KCNMA1: variants seen among roughly 807,000 people sequenced by gnomAD.
The protein encoded by KCNMA1 is potassium calcium-activated channel subfamily M alpha 1.
KCNMA1 carries 29 observed loss-of-function variants against 140.0 expected under a neutral mutation model. The observed-to-expected ratio is 0.21, with a 90% CI of 0.15 to 0.28. The LOEUF (loss-of-function observed/expected upper bound fraction) is 0.28. Ranked by LOEUF, KCNMA1 falls within the 10% of genes least tolerant of loss-of-function variation. The pLI is 1.00. For synonymous variants in KCNMA1, 612 were observed against 611.9 expected, an observed-to-expected ratio of 1.00 and a Z score of 0.00; for missense variants, 880 against 1,602.2, an observed-to-expected ratio of 0.55 and a Z score of 7.70.
chr10:77,175,674 C>A (rs756734056), intron 5 of KCNMA1, among the ~76,000 whole-genome samples: 1 of 152,178 alleles, frequency 6.6e-6, no homozygotes, highest in Non-Finnish European at 1.5e-5. Context: ...GGGAAAGCTG[C>A]ACACAGGAGC....
At chr10:77,154,248 C>T (rs1332833874) in intron 5 of KCNMA1, among the ~76,000 whole-genome samples, 2 of 152,046 alleles carry the variant, frequency 1.3e-5, no homozygotes, top group Admixed American at 6.6e-5. Context: ...CCCAGGCATG[C>T]GGAACTGTGA....
At chr10:77,142,798 T>A (rs2098209265) in intron 5 of KCNMA1, among the ~76,000 whole-genome samples, 1 of 152,218 alleles carries the variant, frequency 6.6e-6, no homozygotes, top group South Asian at 2.1e-4. Context: ...GGAATAATAT[T>A]ATGTCTCCAA....
At chr10:77,184,675 G>A in intron 4 of KCNMA1, 148 bp downstream of exon 4, 1 of 697,772 alleles carries the variant, frequency 1.4e-6, no homozygotes. Flanking sequence ...TAAGGAGAGG[G>A]CTCTCTCTCA....
intron 1 of KCNMA1, among the ~76,000 whole-genome samples, chr10:77,520,630 C>G (rs1471268273): frequency 1.3e-5 from 2 of 152,034 alleles, no homozygotes; most frequent in Admixed American, 6.5e-5. Flanking sequence ...ATAGTGTTTC[C>G]TCTACCATCC....
intron 15 of KCNMA1, among the ~76,000 whole-genome samples, chr10:77,037,348 T>C (rs1244964070): frequency 1.3e-5 from 2 of 152,204 alleles, no homozygotes; most frequent in African/African-American, 4.8e-5. Context: ...TCTGAGGAAA[T>C]GCAGGTCTTG....
chr10:77,595,346 C>CAAAAAA (rs138290466), intron 1 of KCNMA1, among the ~76,000 whole-genome samples: 1 of 58,214 alleles, frequency 1.7e-5, no homozygotes, highest in African/African-American at 6.9e-5. Context: ...GACTCTGTCT[C>CAAAAAA]AAAAAAAAAA....
At chr10:77,386,228 AG>A (rs1215543859) in intron 2 of KCNMA1, among the ~76,000 whole-genome samples, 2 of 152,242 alleles carry the variant, frequency 1.3e-5, no homozygotes, top group Non-Finnish European at 2.9e-5. Flanking sequence ...ACTGAGGCCA[AG>A]GGGGCAAAAT....
chr10:77,124,402 G>A (rs1369201291), intron 5 of KCNMA1, among the ~76,000 whole-genome samples: 3 of 152,088 alleles, frequency 2.0e-5, no homozygotes, highest in Admixed American at 2.0e-4. Context: ...GAGGCCACAA[G>A]GTCCTATACT....
chr10:76,973,569 T>A (rs1012981034), intron 19 of KCNMA1, among the ~76,000 whole-genome samples: 1 of 152,202 alleles, frequency 6.6e-6, no homozygotes, highest in Non-Finnish European at 1.5e-5. Flanking sequence ...TGACATAACC[T>A]CCAGACAATG....
At chr10:76,986,951 AG>A (rs2081422083) in intron 19 of KCNMA1, among the ~76,000 whole-genome samples, 2 of 152,194 alleles carry the variant, frequency 1.3e-5, no homozygotes, top group African/African-American at 2.4e-5. Context: ...TCTATTCAAG[AG>A]TTGTCCAGCA....
intron 2 of KCNMA1, among the ~76,000 whole-genome samples, chr10:77,364,648 C>A (rs1433186229): frequency 6.6e-6 from 1 of 152,020 alleles, no homozygotes; most frequent in Non-Finnish European, 1.5e-5. Flanking sequence ...ATAATTGAAA[C>A]CTCTGGCTCA....
At chr10:77,202,541 C>T (rs529829209) in intron 3 of KCNMA1, among the ~76,000 whole-genome samples, 1 of 152,250 alleles carries the variant, frequency 6.6e-6, no homozygotes, top group South Asian at 2.1e-4. Context: ...CTGTTTTGTC[C>T]TTCCCAGAAC....
rs2091176890 is a variant in KCNMA1 at position 77,342,498 on chromosome 10, C to G, written c.540+61364G>C. On this transcript the variant is annotated intron_variant, in intron 2 of 27. Coordinates refer to ENST00000286628, the MANE Select transcript of KCNMA1 (RefSeq NM_001161352.2). ...GGCCAAGGCCCACAATCTTATGGGA[C>G]AGCTGACCACCCAACCCCCAGCCAG... Among the ~76,000 whole-genome samples the G allele has an allele frequency of 2.0e-5, 3 of 152,168 alleles. No individual in the cohort carries two copies. In the South Asian group the frequency reaches 6.2e-4, roughly 31 times the overall value.
chr10:77,589,832 G>A (rs987400271), intron 1 of KCNMA1, among the ~76,000 whole-genome samples: 5 of 152,130 alleles, frequency 3.3e-5, no homozygotes, highest in Non-Finnish European at 4.4e-5. Context: ...AAGAGGGAAA[G>A]AACAAAGCTT....
chr10:77,441,439 C>G (rs1223969839), intron 1 of KCNMA1, among the ~76,000 whole-genome samples: 1 of 152,016 alleles, frequency 6.6e-6, no homozygotes, highest in Non-Finnish European at 1.5e-5. Context: ...AGAGACTGAC[C>G]AAAGAAGGAA....
At chr10:77,510,505 A>G (rs1293443357) in intron 1 of KCNMA1, among the ~76,000 whole-genome samples, 1 of 152,186 alleles carries the variant, frequency 6.6e-6, no homozygotes, top group Non-Finnish European at 1.5e-5. Context: ...AAAGGATCTC[A>G]GGATCAAATA....
intron 1 of KCNMA1, among the ~76,000 whole-genome samples, chr10:77,407,486 A>T (rs769162531): frequency 2.0e-5 from 3 of 152,240 alleles, no homozygotes; most frequent in Non-Finnish European, 4.4e-5. Context: ...AGTGTTTTCT[A>T]TGCATTGTCT....
At chr10:77,244,905 A>G (rs1243826881) in intron 3 of KCNMA1, among the ~76,000 whole-genome samples, 1 of 152,088 alleles carries the variant, frequency 6.6e-6, no homozygotes, top group East Asian at 1.9e-4. Flanking sequence ...ACCATCTGAC[A>G]TTCCATTCTT....
chr10:77,079,813 T>G (rs992043806), intron 12 of KCNMA1: 1 of 531,772 alleles, frequency 1.9e-6, no homozygotes, highest in African/African-American at 1.9e-5. Flanking sequence ...GGAGGTTCCC[T>G]ATAACCTCTA....
Sources: gnomAD v4.1 joint callset for allele counts (sites outside exome capture counted in the v4.1 genomes callset) on GRCh38, gnomAD v4.1.1 for gene constraint, MANE v1.5 for transcripts, NCBI Gene and HGNC (gene_info 2026-07-23, HGNC 2026-07-21) for gene names.